The following MYCBP2 variants were observed in gnomAD, a reference collection of about 807,000 sequenced individuals.
MYCBP2 encodes the protein E3 ubiquitin-protein ligase MYCBP2.
In MYCBP2, 120 loss-of-function variants were observed where a neutral mutation model predicts 525.3. That is an observed-to-expected ratio of 0.23 (90% confidence interval 0.20 to 0.27). The LOEUF (loss-of-function observed/expected upper bound fraction) is 0.27. MYCBP2 is among the 10% of genes least tolerant of loss of function. MYCBP2 has a pLI of 1.00. For synonymous variants in MYCBP2, 1,894 were observed against 1,955.8 expected (o/e 0.97, Z 0.83); for missense variants, 4,149 against 5,657.1 (o/e 0.73, Z 8.55).
rs1426842202 is a variant in MYCBP2, at chr13:77,266,159, G to A, written c.1357+1682C>T. On this transcript the variant is annotated intron_variant, in intron 8 of 82. Transcript: ENST00000544440. ...ATAAGTCACAGTCTCTATTAAATGT[G>A]CAGGGTTTCTCAGAAGTAAATCCTT... Among the ~76,000 whole-genome samples, 3 of 152,172 alleles carry A rather than the reference G, an allele frequency of 2.0e-5. No homozygotes were observed. In the East Asian group the frequency reaches 5.8e-4, roughly 29 times the overall value.
chr13:77,212,258 C>A, intron 21 of MYCBP2, 98 bp from the exon 22 acceptor site: 3 of 999,212 alleles, frequency 3.0e-6, no homozygotes, highest in Non-Finnish European at 4.2e-6. Context: ...ATCTATGAAA[C>A]CTTATTTTTC....
intron 27 of MYCBP2, among the ~76,000 whole-genome samples, chr13:77,193,931 T>C (rs1180192163): frequency 1.3e-5 from 2 of 152,160 alleles, no homozygotes; most frequent in East Asian, 1.9e-4. Context: ...ATCTTCAATA[T>C]TGAAACAGTT....
At chr13:77,261,111 T>C (rs1354752322) in intron 12 of MYCBP2, 60 bp downstream of exon 12, 1 of 1,370,318 alleles carries the variant, frequency 7.3e-7, no homozygotes, top group Non-Finnish European at 1.0e-6. Flanking sequence ...AATAAAGTTT[T>C]ATTTTTACTA....
intron 1 of MYCBP2, among the ~76,000 whole-genome samples, chr13:77,308,563 T>C (rs1414962177): frequency 6.6e-6 from 1 of 152,212 alleles, no homozygotes; most frequent in Non-Finnish European, 1.5e-5. Context: ...ATGCCTGGTA[T>C]TTAGTAAGTG....
chr13:77,209,673 T>C (rs1181255319), intron 23 of MYCBP2, among the ~76,000 whole-genome samples: 6 of 152,234 alleles, frequency 3.9e-5, no homozygotes, highest in Non-Finnish European at 5.9e-5. Flanking sequence ...TCTCTTGTTA[T>C]TTCATCTACC....
chr13:77,141,968 T>C (rs1039646110), intron 49 of MYCBP2, among the ~76,000 whole-genome samples: 2 of 151,922 alleles, frequency 1.3e-5, no homozygotes, highest in African/African-American at 4.8e-5. Flanking sequence ...TGGAAGAAAA[T>C]GGATGATTCT....
At chr13:77,171,453 G>T in intron 38 of MYCBP2, 39 bp downstream of exon 38, 1 of 1,585,138 alleles carries the variant, frequency 6.3e-7, no homozygotes. Context: ...AGTGAATAAA[G>T]AATCTAAAAT....
Position 77,068,687 on chromosome 13 carries a change from G to A in MYCBP2, c.12049C>T (p.Leu4017Phe), listed in dbSNP as rs1178167913. Residue 4017 changes from leucine (L) to phenylalanine (F), a missense_variant, in exon 70 of 83, where the codon CTC becomes TTC. Physicochemically the swap from Leu to Phe is conservative, Grantham distance 22 (BLOSUM62 0). This residue lies in a region of MYCBP2 where 64 missense variants were observed against 131.2 expected (regional missense o/e 0.49). Transcript: ENST00000544440. ...ASSDAYCFEL[L>F]SMVLALSGSN... ...CCACTCAGTGCTAAAACCATAGAGA[G>A]CAGCTCAAAGCAGTAGGCATCAGAG... is the stretch of plus-strand genomic sequence containing the variant. 3 of 1,614,148 alleles carry A rather than the reference G, an allele frequency of 1.9e-6. No individual in the cohort carries two copies. The highest frequency in any genetic ancestry group is 2.5e-6 in the Non-Finnish European group (3 of 1,180,034).
chr13:77,093,384 C>T (rs1381483950), intron 58 of MYCBP2, 52 bp from the exon 59 acceptor site: 1 of 1,495,494 alleles, frequency 6.7e-7, no homozygotes, highest in Non-Finnish European at 9.2e-7. Context: ...TACAGATCCT[C>T]TCCATTTTTA....
chr13:77,140,049 C>G lies in MYCBP2; in HGVS notation c.7516G>C (p.Glu2506Gln). The G allele has an allele frequency of 6.3e-7, 1 of 1,589,808 alleles. No homozygotes were observed. Among genetic ancestry groups the G allele is most frequent in the South Asian group, 1.1e-5 (1 of 87,506 alleles). ...CCAAAAGCTCCTTTATCAATTACCT[C>G]ATCAATAAAAGTGATAGTTCCATTG... is the stretch of plus-strand genomic sequence containing the variant. ...KVNGTITFIDEIHNDDGVWLR... is the reference protein window; with the variant it reads ...KVNGTITFIDQIHNDDGVWLR... Residue 2506 changes from glutamate (E) to glutamine (Q), a missense_variant and splice_region_variant, in exon 51 of 83, where the codon GAG (glutamate) becomes CAG (glutamine). This residue lies in a region of MYCBP2 where 692 missense variants were observed against 852.7 expected (regional missense o/e 0.81). Transcript: ENST00000544440.
chr13:77,085,575 G>A lies in MYCBP2; in HGVS notation c.10875+1909C>T, dbSNP rs77385622. Among the ~76,000 whole-genome samples the A allele has an allele frequency of 8.3e-4, 126 of 152,302 alleles. 2 individuals are homozygous for A. In the East Asian group the frequency reaches 0.021, roughly 25 times the overall value. ...GTCGCTCTTTCCATCAACAGGTGGA[G>A]TTTATTTCTCAGTCTTTGAATTTGA... On this transcript the variant is annotated intron_variant, in intron 62 of 82. Coordinates refer to ENST00000544440, the MANE Select transcript of MYCBP2 (RefSeq NM_015057.5).
chr13:77,298,522 G>T (rs1034117651), intron 1 of MYCBP2, among the ~76,000 whole-genome samples: 1 of 152,144 alleles, frequency 6.6e-6, no homozygotes, highest in Non-Finnish European at 1.5e-5. Context: ...AGTACTCAAC[G>T]AGTATTTTAA....
chr13:77,294,104 C>CTATATATATATATATGTA (rs2077781099), intron 2 of MYCBP2, among the ~76,000 whole-genome samples: 1 of 41,920 alleles, frequency 2.4e-5, no homozygotes, highest in Non-Finnish European at 5.2e-5. Flanking sequence ...GATATAATGG[C>CTATATATATATATATGTA]TATATATATA....
chr13:77,062,686 A>G lies in MYCBP2; in HGVS notation c.12684T>C (p.Ala4228=). 6.2e-7 allele frequency: 1 copy of G among 1,614,074 alleles called. No individual in the cohort carries two copies. The highest frequency in any genetic ancestry group is 8.5e-7 in the Non-Finnish European group (1 of 1,179,958). Residue 4228 remains alanine (A), a synonymous_variant, in exon 74 of 83, where the codon GCT becomes GCC. Transcript: ENST00000544440. Reference sequence around the variant, plus strand: ...GATCAAGAACACATAGGGATGCGAGAGCAAGCCAGAGCTGTTGAAAGGGAA... The same window carrying G: ...GATCAAGAACACATAGGGATGCGAGGGCAAGCCAGAGCTGTTGAAAGGGAA... ...RCIATTRLWL[A]LASLCVLDQD...
chr13:77,087,146 C>T (rs953129570), intron 62 of MYCBP2, among the ~76,000 whole-genome samples: 2 of 152,096 alleles, frequency 1.3e-5, no homozygotes, highest in African/African-American at 4.8e-5. Context: ...ATGCCATTCA[C>T]ATAATTTCAG....
chr13:77,118,637 G>T, intron 55 of MYCBP2: 2 of 558,740 alleles, frequency 3.6e-6, no homozygotes, highest in Non-Finnish European at 6.4e-6. Flanking sequence ...GAAAATTGGT[G>T]ACTGTTAATC....
At chr13:77,259,359 C>G (rs2072833185) in intron 13 of MYCBP2, among the ~76,000 whole-genome samples, 1 of 152,172 alleles carries the variant, frequency 6.6e-6, no homozygotes, top group African/African-American at 2.4e-5. Context: ...ACCCAACTGT[C>G]TCTCGGATCC....
chr13:77,222,670 C>T (rs1407223876), intron 20 of MYCBP2, among the ~76,000 whole-genome samples: 1 of 152,102 alleles, frequency 6.6e-6, no homozygotes, highest in South Asian at 2.1e-4. Context: ...TCAACACACA[C>T]ATCTCTCAGA....
chr13:77,242,954 G>T, intron 17 of MYCBP2, 105 bp downstream of exon 17: 1 of 903,914 alleles, frequency 1.1e-6, no homozygotes, highest in Non-Finnish European at 1.7e-6. Flanking sequence ...TTTTAATTTT[G>T]ATGATTTCTT....
Sources: allele counts gnomAD v4.1 joint callset (sites outside exome capture counted in the v4.1 genomes callset), GRCh38; gene constraint gnomAD v4.1.1; regional missense constraint gnomAD v4.1.1; transcripts MANE v1.5; gene names NCBI Gene and HGNC (gene_info 2026-07-23, HGNC 2026-07-21).